Variants in ENTREP1 observed in about 807,000 individuals in gnomAD.
The protein encoded by ENTREP1 is Friedreich ataxia region gene X123.
chr9:69,367,704 A>T, the ENTREP1 span, among the ~76,000 whole-genome samples: 11 of 105,048 alleles, frequency 1.0e-4, no homozygotes, highest in East Asian at 7.8e-4. Context: ...CATATATATA[A>T]ATATATATAT....
At chr9:69,372,050 A>G in the ENTREP1 span, among the ~76,000 whole-genome samples, 2 of 152,216 alleles carry the variant, frequency 1.3e-5, no homozygotes, top group Non-Finnish European at 2.9e-5. Context: ...ACTATTTATT[A>G]TGTAGCATGC....
chr9:69,371,632 T>C, the ENTREP1 span: 10 of 1,468,708 alleles, frequency 6.8e-6, no homozygotes, highest in Non-Finnish European at 8.6e-6. Context: ...AAAACATCAC[T>C]GTGCATCTAG....
At chr9:69,379,200 A>T in the ENTREP1 span, among the ~76,000 whole-genome samples, 3 of 152,196 alleles carry the variant, frequency 2.0e-5, no homozygotes, top group African/African-American at 7.2e-5. Flanking sequence ...TTTTTAGAGA[A>T]GTATTTTCTA....
At chr9:69,327,012 A>G in the ENTREP1 span, among the ~76,000 whole-genome samples, 3 of 3,990 alleles carry the variant, frequency 7.5e-4, no homozygotes, top group African/African-American at 0.016. Flanking sequence ...ACCAAATTGA[A>G]AAAAAAAAAA....
the ENTREP1 span, among the ~76,000 whole-genome samples, chr9:69,359,153 G>A: frequency 3.3e-5 from 5 of 152,130 alleles, no homozygotes; most frequent in South Asian, 2.1e-4. Context: ...TGACCCGCCC[G>A]CCTCAGCCTC....
the ENTREP1 span, among the ~76,000 whole-genome samples, chr9:69,352,448 T>A: frequency 1.3e-5 from 2 of 152,344 alleles, no homozygotes; most frequent in East Asian, 3.9e-4. Flanking sequence ...TGTCTGTTGA[T>A]CCTTGATCAT....
chr9:69,342,746 A>T, the ENTREP1 span, among the ~76,000 whole-genome samples: 1 of 152,230 alleles, frequency 6.6e-6, no homozygotes, highest in East Asian at 1.9e-4. Context: ...TGGCCTCTCA[A>T]TTTGATGTGT....
At chr9:69,373,472 A>AT in the ENTREP1 span, among the ~76,000 whole-genome samples, 25 of 151,550 alleles carry the variant, frequency 1.6e-4, no homozygotes, top group Middle Eastern at 6.8e-3. Context: ...GTCGTTCATG[A>AT]TTTTTTTTTA....
At chr9:69,388,952 A>G in the ENTREP1 span, among the ~76,000 whole-genome samples, 1 of 152,226 alleles carries the variant, frequency 6.6e-6, no homozygotes, top group Non-Finnish European at 1.5e-5. Context: ...CTTCTTGTAG[A>G]TTAAAAAGTA....
chr9:69,365,161 T>G, the ENTREP1 span, among the ~76,000 whole-genome samples: 1 of 152,204 alleles, frequency 6.6e-6, no homozygotes, highest in Non-Finnish European at 1.5e-5. Flanking sequence ...ACAATTTGAA[T>G]AATGCATGTA....
the ENTREP1 span, among the ~76,000 whole-genome samples, chr9:69,341,882 G>C: frequency 6.6e-6 from 1 of 151,912 alleles, no homozygotes. Flanking sequence ...TAATTGTCAG[G>C]TGACCTTGGG....
chr9:69,388,640 C>G, the ENTREP1 span, among the ~76,000 whole-genome samples: 1 of 152,118 alleles, frequency 6.6e-6, no homozygotes, highest in Admixed American at 6.5e-5. Context: ...GTAACTTTCC[C>G]ACATCATTCT....
the ENTREP1 span, chr9:69,391,597 A>G: frequency 6.2e-7 from 1 of 1,613,624 alleles, no homozygotes; most frequent in East Asian, 2.2e-5. Flanking sequence ...CTCTTTTCCC[A>G]AAGATAATGG....
chr9:69,341,253 C>G, the ENTREP1 span, among the ~76,000 whole-genome samples: 2 of 152,074 alleles, frequency 1.3e-5, no homozygotes, highest in African/African-American at 4.8e-5. Flanking sequence ...GCTCCATATT[C>G]TTTAGCATCA....
At chr9:69,338,820 G>A in the ENTREP1 span, among the ~76,000 whole-genome samples, 4 of 152,036 alleles carry the variant, frequency 2.6e-5, no homozygotes, top group Non-Finnish European at 5.9e-5. Flanking sequence ...CCCTATTGTT[G>A]GACATTTGAG....
chr9:69,387,814 C>A, the ENTREP1 span: 1 of 1,070,794 alleles, frequency 9.3e-7, no homozygotes, highest in Non-Finnish European at 1.2e-6. Context: ...CACATTTTTC[C>A]TGCTTGGCCC....
the ENTREP1 span, among the ~76,000 whole-genome samples, chr9:69,374,029 TCA>T: frequency 4.6e-5 from 7 of 152,296 alleles, no homozygotes; most frequent in South Asian, 1.4e-3. Context: ...CTCTACTCTC[TCA>T]TAGGCAACCA....
At chr9:69,384,203 A>G in the ENTREP1 span, among the ~76,000 whole-genome samples, 2 of 45,168 alleles carry the variant, frequency 4.4e-5, no homozygotes, top group African/African-American at 6.0e-5. Context: ...CTACAAACGG[A>G]AAAAAAAAAT....
At chr9:69,334,031 A>G in the ENTREP1 span, among the ~76,000 whole-genome samples, 1 of 152,222 alleles carries the variant, frequency 6.6e-6, no homozygotes, top group African/African-American at 2.4e-5. Context: ...CTTCCCTTAC[A>G]GCATTTCTAA....
Sources: allele counts gnomAD v4.1 joint callset (sites outside exome capture counted in the v4.1 genomes callset), GRCh38; gene constraint gnomAD v4.1.1; transcripts MANE v1.5; gene names NCBI Gene and HGNC (gene_info 2026-07-23, HGNC 2026-07-21).